The following FAM168A variants were observed in gnomAD, a reference collection of about 807,000 sequenced individuals.
FAM168A encodes the protein protein FAM168A.
Under a neutral mutation model 28.5 loss-of-function variants are expected in FAM168A, and 3 were observed. The ratio of observed to expected loss-of-function variants is 0.11; its 90% CI spans 0.05 to 0.27. The LOEUF (loss-of-function observed/expected upper bound fraction) is 0.27. Ranked by LOEUF, FAM168A falls within the 10% of genes least tolerant of loss-of-function variation. The probability of loss-of-function intolerance (pLI) is 1.00; values close to 1 mark genes in which losing one functional copy is unlikely to be tolerated. For missense variants in FAM168A, 222 were observed against 311.5 expected, an observed-to-expected ratio of 0.71 and a Z score of 2.16; for synonymous variants, 122 against 124.2, an observed-to-expected ratio of 0.98 and a Z score of 0.12.
At chr11:73,511,397 C>T (rs1245583622) in intron 1 of FAM168A, among the ~76,000 whole-genome samples, 2 of 152,040 alleles carry the variant, frequency 1.3e-5, no homozygotes, top group African/African-American at 2.4e-5. Context: ...CCACTACGCC[C>T]GGCTAATTTT....
At chr11:73,455,857 C>A (rs1867522415) in intron 2 of FAM168A, among the ~76,000 whole-genome samples, 2 of 152,212 alleles carry the variant, frequency 1.3e-5, no homozygotes, top group Admixed American at 6.5e-5. Context: ...TGGCTTACTG[C>A]TTTCTCTTTT....
At chr11:73,499,401 C>T (rs1033721237) in intron 1 of FAM168A, among the ~76,000 whole-genome samples, 1 of 152,158 alleles carries the variant, frequency 6.6e-6, no homozygotes, top group Non-Finnish European at 1.5e-5. Context: ...ACTAGACAAA[C>T]TCACAAAGAT....
chr11:73,419,228 C>A (rs1307625674), intron 4 of FAM168A, among the ~76,000 whole-genome samples: 1 of 152,156 alleles, frequency 6.6e-6, no homozygotes, highest in Non-Finnish European at 1.5e-5. Context: ...ATGAATATGA[C>A]CAGTCTGACT....
At chr11:73,579,633 T>C (rs1327382888) in intron 1 of FAM168A, among the ~76,000 whole-genome samples, 6 of 152,232 alleles carry the variant, frequency 3.9e-5, no homozygotes, top group Non-Finnish European at 7.3e-5. Context: ...AAATGGAAAT[T>C]TGTTTAATAT....
In FAM168A at chr11:73,471,333, G is replaced by A. The variant is rs552092562; in HGVS notation, c.-18-2841C>T. 6.6e-5 allele frequency among the ~76,000 whole-genome samples: 10 copies of A among 150,770 alleles called. No individual in the cohort carries two copies. The South Asian group carries it at 1.9e-3, about 28-fold the overall frequency. On this transcript the variant is annotated intron_variant, in intron 1 of 7. Transcript: ENST00000356467. ...CTCTGTTTCCTCTAACCTCAAAATG[G>A]GAAAAAAACAAAAAACATAATTTGT...
chr11:73,487,331 G>A (rs1469593070), intron 1 of FAM168A, among the ~76,000 whole-genome samples: 2 of 152,054 alleles, frequency 1.3e-5, no homozygotes, highest in African/African-American at 4.8e-5. Context: ...ATGCTTTCCT[G>A]TGCAGCACTT....
intron 1 of FAM168A, among the ~76,000 whole-genome samples, chr11:73,538,687 C>T (rs1943613784): frequency 6.6e-6 from 1 of 152,150 alleles, no homozygotes; most frequent in African/African-American, 2.4e-5. Context: ...GTCAAAGAGC[C>T]TAAAACCTAA....
chr11:73,421,575 G>A (rs1243196345), intron 3 of FAM168A, among the ~76,000 whole-genome samples: 3 of 152,058 alleles, frequency 2.0e-5, no homozygotes, highest in Non-Finnish European at 2.9e-5. Context: ...GCAGGAGGAG[G>A]AGAGTCTGTT....
chr11:73,498,400 T>C (rs1169183118), intron 1 of FAM168A, among the ~76,000 whole-genome samples: 1 of 152,132 alleles, frequency 6.6e-6, no homozygotes, highest in Non-Finnish European at 1.5e-5. Flanking sequence ...CACTCAACTT[T>C]GCAACCCACG....
At chr11:73,504,526 G>A (rs1855070061) in intron 1 of FAM168A, among the ~76,000 whole-genome samples, 1 of 152,206 alleles carries the variant, frequency 6.6e-6, no homozygotes, top group Non-Finnish European at 1.5e-5. Context: ...AGGCTGTGGA[G>A]AAATAAGAAC....
intron 2 of FAM168A, among the ~76,000 whole-genome samples, chr11:73,443,365 C>T (rs1867240209): frequency 1.3e-5 from 2 of 152,074 alleles, no homozygotes; most frequent in Admixed American, 6.5e-5. Flanking sequence ...TCTTGCCCTC[C>T]GTGAACTCAC....
intron 2 of FAM168A, among the ~76,000 whole-genome samples, chr11:73,461,516 T>G (rs996604885): frequency 2.6e-5 from 4 of 152,182 alleles, no homozygotes; most frequent in Non-Finnish European, 5.9e-5. Flanking sequence ...CATCTTATAA[T>G]TCTAAATAAA....
intron 4 of FAM168A, among the ~76,000 whole-genome samples, chr11:73,413,908 GAAAA>G (rs1175346091): frequency 6.6e-6 from 1 of 152,000 alleles, no homozygotes; most frequent in Non-Finnish European, 1.5e-5. Context: ...TCTAAAAAAA[GAAAA>G]AAACTTAGCC....
rs550434391 is a variant in FAM168A, at chr11:73,419,421, G to A, written c.277+453C>T. Among the ~76,000 whole-genome samples the A allele has an allele frequency of 6.6e-5, 10 of 152,284 alleles. No individual in the cohort carries two copies. The South Asian group carries it at 2.1e-3, about 32-fold the overall frequency. On this transcript the variant is annotated intron_variant, in intron 4 of 7. Coordinates refer to ENST00000356467, the MANE Select transcript of FAM168A (RefSeq NM_015159.3). ...CTTTCCTACTGGCATGTAGGGTAGA[G>A]GCCAGGGATGCTGTTAAACATCCTA...
intron 3 of FAM168A, 69 bp downstream of exon 3, chr11:73,430,621 G>A: frequency 1.4e-6 from 2 of 1,433,548 alleles, no homozygotes; most frequent in South Asian, 2.3e-5. Flanking sequence ...CCAGCAAGTG[G>A]TTTTGCTTTT....
At chr11:73,459,184 A>C (rs546412694) in intron 2 of FAM168A, among the ~76,000 whole-genome samples, 1 of 152,042 alleles carries the variant, frequency 6.6e-6, no homozygotes, top group East Asian at 2.0e-4. Context: ...CCTGGGCTCA[A>C]GCAACCCTCC....
intron 1 of FAM168A, among the ~76,000 whole-genome samples, chr11:73,571,922 G>C (rs1266572124): frequency 2.7e-5 from 4 of 150,518 alleles, no homozygotes; most frequent in Admixed American, 6.6e-5. Flanking sequence ...TGGGATGTGA[G>C]GAGCGCCTCT....
At chr11:73,426,391 T>C (rs938948317) in intron 3 of FAM168A, among the ~76,000 whole-genome samples, 1 of 152,222 alleles carries the variant, frequency 6.6e-6, no homozygotes, top group African/African-American at 2.4e-5. Context: ...CCTGGACAGA[T>C]GACATCTCAG....
At chr11:73,485,554 A>T (rs972129540) in intron 1 of FAM168A, among the ~76,000 whole-genome samples, 4 of 152,242 alleles carry the variant, frequency 2.6e-5, no homozygotes, top group African/African-American at 9.6e-5. Flanking sequence ...GTTCTTAGCA[A>T]TGAGCAAAAA....
Sources: allele counts gnomAD v4.1 joint callset (sites outside exome capture counted in the v4.1 genomes callset), GRCh38; gene constraint gnomAD v4.1.1; transcripts MANE v1.5; gene names NCBI Gene and HGNC (gene_info 2026-07-23, HGNC 2026-07-21).